The following MDN1 variants were observed in gnomAD, a reference collection of about 807,000 sequenced individuals.
MDN1 encodes midasin AAA ATPase 1.
MDN1 carries 266 observed loss-of-function variants against 669.2 expected under a neutral mutation model. That is an observed-to-expected ratio of 0.40 (90% confidence interval 0.36 to 0.44). MDN1 has a LOEUF of 0.44. Ranked by LOEUF, MDN1 falls within the 20% of genes least tolerant of loss-of-function variation. The pLI is 1.00. For missense variants in MDN1, 5,940 were observed against 6,754.0 expected (o/e 0.88, Z 4.22); for synonymous variants, 2,385 against 2,457.1 (o/e 0.97, Z 0.87).
Position 89,685,915 on chromosome 6 carries a change from T to A in MDN1, c.11631A>T (p.Gly3877=), listed in dbSNP as rs144570479. 56 of 1,614,012 alleles carry A rather than the reference T, an allele frequency of 3.5e-5. No homozygotes were observed. Among genetic ancestry groups the A allele is most frequent in the Middle Eastern group, 3.3e-4 (2 of 6,084 alleles). Residue 3877 remains glycine, a synonymous_variant, in exon 70 of 102, where the codon GGA becomes GGT. Transcript: ENST00000369393. ...GCACATGGAACTCTCCCAGCGAGGATCCTTCAATAAATGCTTGTAATGTGC... is the reference window on the plus strand; with the variant it reads ...GCACATGGAACTCTCCCAGCGAGGAACCTTCAATAAATGCTTGTAATGTGC... ...LVSTLQAFIE[G]SSLGEFHVRL... is the part of the protein sequence containing the mutation.
Position 89,789,918 on chromosome 6 carries a change from AAAG to A in MDN1, c.1099-10_1099-8del. On this transcript the variant is annotated splice_region_variant and splice_polypyrimidine_tract_variant and intron_variant, in intron 6 of 101. Transcript: ENST00000369393. ...GATACATCCCCAAAAGCATCTGCAG[AAAG>A]AAGATAAAGTAATTACTGAAAAACC... The A allele has an allele frequency of 6.2e-7, 1 of 1,606,700 alleles. No homozygotes were observed. Among genetic ancestry groups the A allele is most frequent in the East Asian group, 2.2e-5 (1 of 44,814 alleles).
At chr6:89,717,382 A>G (rs1285559048) in intron 43 of MDN1, among the ~76,000 whole-genome samples, 1 of 152,220 alleles carries the variant, frequency 6.6e-6, no homozygotes, top group African/African-American at 2.4e-5. Flanking sequence ...TTTAGACTTA[A>G]CATACCATAG....
At chr6:89,793,503 A>G (rs1379713356) in intron 5 of MDN1, among the ~76,000 whole-genome samples, 1 of 152,236 alleles carries the variant, frequency 6.6e-6, no homozygotes, top group Non-Finnish European at 1.5e-5. Context: ...CCTTGAGTCC[A>G]GGAGTTCCAG....
intron 1 of MDN1, among the ~76,000 whole-genome samples, chr6:89,814,289 G>A (rs762065582): frequency 5.2e-4 from 79 of 151,802 alleles, no homozygotes; most frequent in Non-Finnish European, 7.4e-4. Context: ...AGAGACCTTA[G>A]GACTGACAAA....
intron 26 of MDN1, among the ~76,000 whole-genome samples, chr6:89,748,868 G>C (rs573557517): frequency 6.7e-6 from 1 of 149,744 alleles, no homozygotes; most frequent in East Asian, 2.0e-4. Context: ...GAGACCAGCC[G>C]GGGCAACATG....
chr6:89,691,389 T>A (rs1318735757), intron 63 of MDN1, among the ~76,000 whole-genome samples: 1 of 152,198 alleles, frequency 6.6e-6, no homozygotes, highest in African/African-American at 2.4e-5. Context: ...CTGCTGAGGT[T>A]GAGGAAATAA....
intron 70 of MDN1, among the ~76,000 whole-genome samples, chr6:89,685,444 G>A (rs1811942787): frequency 6.6e-6 from 1 of 152,048 alleles, no homozygotes; most frequent in South Asian, 2.1e-4. Context: ...TTGACAGCGG[G>A]CAGTTTTAGA....
At position 89,730,798 on chromosome 6, in the gene MDN1, C is replaced by T. The variant is rs769091982; in HGVS notation, c.5068G>A (p.Asp1690Asn). Residue 1690 changes from aspartate (D) to asparagine (N), a missense_variant, in exon 35 of 102, where the codon GAC becomes AAC. Around this residue, in one of 5 missense-constraint regions of MDN1, gnomAD observed 2,292 missense variants for 2,638.3 expected, o/e 0.87. Transcript: ENST00000369393. Reference sequence around the variant, plus strand: ...GTGAATTCTTTGGCCTTCATTCTGTCATAAATCTTCAACTCATTTTTCTGA... The same window carrying T: ...GTGAATTCTTTGGCCTTCATTCTGTTATAAATCTTCAACTCATTTTTCTGA... The part of the protein sequence containing the change: ...EYQKNELKIY[D>N]RMKAKEFTGI... 5 of 1,613,970 alleles carry T rather than the reference C, an allele frequency of 3.1e-6. No homozygotes were observed. The Admixed American group carries it at 8.3e-5, about 27-fold the overall frequency.
In MDN1 at chr6:89,694,136, C is replaced by G. The variant is rs747902436; in HGVS notation, c.9819G>C (p.Gln3273His). Reference sequence around the variant, plus strand: ...CTTCCAGGTCTCTTCCAGTCTGCAGCTGGGATGACAGGTTCCGGGTCTTCC... The same window carrying G: ...CTTCCAGGTCTCTTCCAGTCTGCAGGTGGGATGACAGGTTCCGGGTCTTCC... Reference protein sequence around the residue: ...CEWKTRNLSSQLQTGRDLEDE... With the variant: ...CEWKTRNLSSHLQTGRDLEDE... Residue 3273 changes from glutamine (Q) to histidine (H), a missense_variant, in exon 62 of 102, where the codon CAG becomes CAC. Gln to His is a conservative substitution (Grantham distance 24). This residue lies in a region of MDN1 where 2,292 missense variants were observed against 2,638.3 expected (regional missense o/e 0.87). Coordinates refer to ENST00000369393, the MANE Select transcript of MDN1 (RefSeq NM_014611.3). 1 of 1,614,196 alleles carries G rather than the reference C, an allele frequency of 6.2e-7. No individual in the cohort carries two copies. Among genetic ancestry groups the G allele is most frequent in the Non-Finnish European group, 8.5e-7 (1 of 1,180,036 alleles).
chr6:89,690,196 A>G, intron 64 of MDN1, 53 bp from the exon 65 acceptor site: 2 of 1,560,748 alleles, frequency 1.3e-6, no homozygotes, highest in South Asian at 2.4e-5. Flanking sequence ...TCTACTTCTA[A>G]TCAGACTAAA....
At chr6:89,685,105 C>T in intron 70 of MDN1, 120 bp from the exon 71 acceptor site, 1 of 609,880 alleles carries the variant, frequency 1.6e-6, no homozygotes, top group East Asian at 2.9e-5. Flanking sequence ...CATGAGATTA[C>T]AGTGAGTTTC....
rs746583689 is a variant in MDN1 at position 89,723,113 on chromosome 6, A to C, written c.5809T>G (p.Trp1937Gly). ...TCCCAGGGTCCTCCTTTTTGCCCCC[A>C]TTTCTTCTCAACAGTCACTTCATGA... ...IDHEVTVEKK[W>G]GQKGGPWEFN... The change falls in exon 40 of 102, where the codon TGG (tryptophan) becomes GGG (glycine). Residue 1937 changes from tryptophan (W) to glycine (G), a missense_variant. Trp to Gly is a radical substitution (Grantham distance 184, BLOSUM62 -2). Coordinates refer to ENST00000369393, the MANE Select transcript of MDN1 (RefSeq NM_014611.3). 6.2e-6 allele frequency: 10 copies of C among 1,614,028 alleles called. No individual in the cohort carries two copies. The highest frequency in any genetic ancestry group is 8.5e-6 in the Non-Finnish European group (10 of 1,179,966).
At chr6:89,754,267 T>C (rs764688612) in intron 20 of MDN1, 37 bp from the exon 21 acceptor site, 1 of 1,597,386 alleles carries the variant, frequency 6.3e-7, no homozygotes, top group South Asian at 1.1e-5. Context: ...TTTTATTTAC[T>C]AATAAGTATC....
In MDN1 at chr6:89,725,254, C is replaced by A; in HGVS notation, c.5615G>T (p.Arg1872Ile). The A allele has an allele frequency of 6.2e-7, 1 of 1,614,026 alleles. No homozygotes were observed. The highest frequency in any genetic ancestry group is 8.5e-7 in the Non-Finnish European group (1 of 1,179,974). The change falls in exon 38 of 102, where the codon AGA becomes ATA. Residue 1872 changes from arginine to isoleucine, a missense_variant. Around this residue, in one of 5 missense-constraint regions of MDN1, gnomAD observed 2,292 missense variants for 2,638.3 expected, o/e 0.87. Transcript: ENST00000369393. Reference sequence around the variant, plus strand: ...CAAGCCTTTCCTCCCACCTCCTTGTCTAAAGGGATTCTGACACCCAAAAAT... The same window carrying A: ...CAAGCCTTTCCTCCCACCTCCTTGTATAAAGGGATTCTGACACCCAAAAAT... ...TKIFGCQNPFRQGGGRKGLPR... is the reference protein window; with the variant it reads ...TKIFGCQNPFIQGGGRKGLPR...
chr6:89,785,131 G>A lies in MDN1; in HGVS notation c.1335-5C>T, dbSNP rs781412706. 142 of 1,601,252 alleles carry A rather than the reference G, an allele frequency of 8.9e-5. No individual in the cohort carries two copies. The South Asian group carries it at 1.3e-3, about 15-fold the overall frequency. On this transcript the variant is annotated splice_polypyrimidine_tract_variant and splice_region_variant and intron_variant, in intron 8 of 101. Coordinates refer to ENST00000369393, the MANE Select transcript of MDN1 (RefSeq NM_014611.3). The stretch of plus-strand genomic sequence containing the variant: ...TTTCCTCCACAGCTCAAGAGTCTAC[G>A]TTTCAAAATAAAAAACACAGTCACA...
rs1044551741 is a variant in MDN1, at chr6:89,712,347, G to A, written c.7431-91C>T. 21 of 1,243,738 alleles carry A rather than the reference G, an allele frequency of 1.7e-5. No individual in the cohort carries two copies. In the Admixed American group the frequency reaches 3.7e-4, roughly 22 times the overall value. The allele number at this position is 1,243,738 out of a possible 1,614,324, so 77.0% of individuals were successfully genotyped here. ...TGAGAAAACCTCTTTCACAAATATTGGATCAAAGGTAAGAGAGAAAAGGAG... is the reference window on the plus strand; with the variant it reads ...TGAGAAAACCTCTTTCACAAATATTAGATCAAAGGTAAGAGAGAAAAGGAG... On this transcript the variant is annotated intron_variant, in intron 48 of 101. Transcript: ENST00000369393.
In MDN1 at chr6:89,712,179, A is replaced by G; in HGVS notation, c.7508T>C (p.Val2503Ala). ...PSPENLKFNA[V>A]EVNTYWIDEP... ...ATCGATCCAGTAAGTATTCACTTCGACTGCATTGAATTTCAGGTTCTCAGG... is the reference window on the plus strand; with the variant it reads ...ATCGATCCAGTAAGTATTCACTTCGGCTGCATTGAATTTCAGGTTCTCAGG... The change falls in exon 49 of 102, where the codon GTC (valine) becomes GCC (alanine). Residue 2503 changes from valine (V) to alanine (A), a missense_variant. By Grantham distance (64) the Val-to-Ala change is moderately conservative. This residue lies in a region of MDN1 where 2,292 missense variants were observed against 2,638.3 expected (regional missense o/e 0.87). Coordinates refer to ENST00000369393, the MANE Select transcript of MDN1 (RefSeq NM_014611.3). The G allele has an allele frequency of 1.2e-6, 2 of 1,614,154 alleles. No individual in the cohort carries two copies. Among genetic ancestry groups the G allele is most frequent in the Non-Finnish European group, 1.7e-6 (2 of 1,180,010 alleles).
chr6:89,778,124 T>A (rs1310349541), intron 11 of MDN1, among the ~76,000 whole-genome samples: 2 of 151,990 alleles, frequency 1.3e-5, no homozygotes, highest in African/African-American at 4.8e-5. Context: ...TCATCCTTTT[T>A]AAAAGTATTT....
chr6:89,725,317 A>G lies in MDN1; in HGVS notation c.5552T>C (p.Leu1851Ser). The change falls in exon 38 of 102, where the codon TTA becomes TCA. Residue 1851 changes from leucine to serine, a missense_variant. Transcript: ENST00000369393. ...ATGCTGCACTTGAAAGCTCATTCCT[A>G]ACTCAGGCACATAGATTTCTCCTCG... ...DHRGEIYVPE[L>S]GMSFQVQHEK... The G allele has an allele frequency of 6.2e-7, 1 of 1,613,878 alleles. No homozygotes were observed. The highest frequency in any genetic ancestry group is 8.5e-7 in the Non-Finnish European group (1 of 1,179,908).
Sources: allele counts gnomAD v4.1 joint callset (sites outside exome capture counted in the v4.1 genomes callset), GRCh38; gene constraint gnomAD v4.1.1; regional missense constraint gnomAD v4.1.1; transcripts MANE v1.5; gene names NCBI Gene and HGNC (gene_info 2026-07-23, HGNC 2026-07-21).